The following FTO variants were observed in gnomAD, a reference collection of about 807,000 sequenced individuals.
FTO encodes alpha-ketoglutarate-dependent dioxygenase FTO.
Under a neutral mutation model 63.9 loss-of-function variants are expected in FTO, and 47 were observed. The observed-to-expected ratio is 0.74, with a 90% CI of 0.58 to 0.94. FTO has a LOEUF of 0.94. FTO is among the 40% of genes least tolerant of loss of function. FTO has a pLI of 0.00. For missense variants in FTO, 562 were observed against 618.1 expected (o/e 0.91, Z 0.96); for synonymous variants, 207 against 224.4 (o/e 0.92, Z 0.69).
At chr16:54,093,259 G>A (rs1353053087) in intron 8 of FTO, among the ~76,000 whole-genome samples, 1 of 152,176 alleles carries the variant, frequency 6.6e-6, no homozygotes, top group African/African-American at 2.4e-5. Context: ...TTTAAATTAG[G>A]AATAGCAAGT....
At chr16:54,062,977 A>T (rs2085621056) in intron 8 of FTO, among the ~76,000 whole-genome samples, 1 of 152,200 alleles carries the variant, frequency 6.6e-6, no homozygotes, top group Non-Finnish European at 1.5e-5. Context: ...GTGTGTGCAC[A>T]CATGCGCCCC....
chr16:53,862,266 A>C lies in FTO; in HGVS notation c.896-11520A>C, dbSNP rs1459028786. Among the ~76,000 whole-genome samples, 5 of 152,108 alleles carry C rather than the reference A, an allele frequency of 3.3e-5. No individual in the cohort carries two copies. The East Asian group carries it at 9.7e-4, about 29-fold the overall frequency. On this transcript the variant is annotated intron_variant, in intron 4 of 8. Coordinates refer to ENST00000471389, the MANE Select transcript of FTO (RefSeq NM_001080432.3). ...CATCTCAAAAAACAAACAAACAAAC[A>C]AAAAAACCACCACCAACAACTCTAT... is the stretch of plus-strand genomic sequence containing the variant.
At chr16:53,789,049 C>G (rs186848608) in intron 1 of FTO, among the ~76,000 whole-genome samples, 141 of 152,284 alleles carry the variant, frequency 9.3e-4, no homozygotes, top group African/African-American at 3.3e-3. Flanking sequence ...TATTATCTGT[C>G]TGTATATGCT....
upstream of FTO, chr16:53,704,148 C>G: frequency 6.5e-7 from 1 of 1,549,806 alleles, no homozygotes; most frequent in Non-Finnish European, 8.7e-7. Context: ...GAGGGATCTA[C>G]GCAGCTTGCG....
intron 2 of FTO, among the ~76,000 whole-genome samples, chr16:53,819,580 C>T (rs2078794795): frequency 6.6e-6 from 1 of 151,964 alleles, no homozygotes; most frequent in Non-Finnish European, 1.5e-5. Flanking sequence ...TTCTGCATTC[C>T]TGCCATATAG....
intron 8 of FTO, among the ~76,000 whole-genome samples, chr16:53,990,348 A>G (rs1205083161): frequency 6.6e-6 from 1 of 152,146 alleles, no homozygotes; most frequent in Non-Finnish European, 1.5e-5. Flanking sequence ...GGATGCTAAA[A>G]TTTGAGTAGG....
At chr16:53,975,888 A>C (rs1480426253) in intron 8 of FTO, among the ~76,000 whole-genome samples, 1 of 152,150 alleles carries the variant, frequency 6.6e-6, no homozygotes, top group African/African-American at 2.4e-5. Flanking sequence ...CAACCCTATG[A>C]GTAGGTGCTA....
intron 2 of FTO, among the ~76,000 whole-genome samples, chr16:53,811,229 G>T (rs2078511938): frequency 6.6e-6 from 1 of 152,160 alleles, no homozygotes; most frequent in Admixed American, 6.5e-5. Flanking sequence ...GGAAGAGTAG[G>T]CCCTCTGGGC....
intron 4 of FTO, among the ~76,000 whole-genome samples, chr16:53,869,844 G>A (rs1236999080): frequency 6.6e-6 from 1 of 152,010 alleles, no homozygotes; most frequent in Non-Finnish European, 1.5e-5. Context: ...ATTAATTTCT[G>A]CCATTTCTGA....
chr16:53,706,233 A>G (rs1255873354), intron 1 of FTO, among the ~76,000 whole-genome samples: 1 of 152,206 alleles, frequency 6.6e-6, no homozygotes, highest in Non-Finnish European at 1.5e-5. Flanking sequence ...TCTTAAATGT[A>G]AAGTGTCCAA....
intron 1 of FTO, among the ~76,000 whole-genome samples, chr16:53,805,897 C>T (rs2078353009): frequency 2.0e-5 from 3 of 152,158 alleles, no homozygotes; most frequent in Admixed American, 2.0e-4. Context: ...CTCCGTGTGG[C>T]ATTTGTGAGC....
chr16:53,727,631 C>T (rs1214864355), intron 1 of FTO, among the ~76,000 whole-genome samples: 2 of 152,270 alleles, frequency 1.3e-5, no homozygotes, highest in Non-Finnish European at 2.9e-5. Context: ...GAGGATGAAC[C>T]TAACAGTATT....
At chr16:54,009,549 G>A (rs1284912800) in intron 8 of FTO, among the ~76,000 whole-genome samples, 5 of 152,058 alleles carry the variant, frequency 3.3e-5, no homozygotes, top group South Asian at 2.1e-4. Context: ...AATGAGCATC[G>A]AATTCAGCAG....
intron 1 of FTO, among the ~76,000 whole-genome samples, chr16:53,747,261 GT>G (rs1478829842): frequency 1.3e-5 from 2 of 152,034 alleles, no homozygotes; most frequent in African/African-American, 4.8e-5. Flanking sequence ...TCTATTGTTA[GT>G]TTTTTTGAGA....
At chr16:53,851,132 G>A (rs1227295562) in intron 4 of FTO, among the ~76,000 whole-genome samples, 2 of 151,706 alleles carry the variant, frequency 1.3e-5, no homozygotes, top group Non-Finnish European at 2.9e-5. Flanking sequence ...ATATAGCCAC[G>A]GTATCCTTTT....
intron 8 of FTO, among the ~76,000 whole-genome samples, chr16:54,106,017 A>G (rs2086742902): frequency 6.6e-6 from 1 of 152,184 alleles, no homozygotes. Flanking sequence ...AACACAAAGT[A>G]TAATGTTAGT....
intron 4 of FTO, among the ~76,000 whole-genome samples, chr16:53,867,014 G>A (rs1006898613): frequency 6.6e-6 from 1 of 151,922 alleles, no homozygotes; most frequent in Non-Finnish European, 1.5e-5. Flanking sequence ...CTATACATTT[G>A]TGGCATTTAA....
intron 8 of FTO, chr16:53,937,263 A>C: frequency 2.5e-6 from 1 of 398,628 alleles, no homozygotes; most frequent in Non-Finnish European, 4.4e-6. Context: ...GAATGATCCA[A>C]AGGACATCGG....
At chr16:53,851,249 A>G (rs1434664150) in intron 4 of FTO, among the ~76,000 whole-genome samples, 1 of 149,426 alleles carries the variant, frequency 6.7e-6, no homozygotes, top group African/African-American at 2.5e-5. Flanking sequence ...GGAGTTTGAG[A>G]CCAGCCTGGC....
Sources: allele counts gnomAD v4.1 joint callset (sites outside exome capture counted in the v4.1 genomes callset), GRCh38; gene constraint gnomAD v4.1.1; transcripts MANE v1.5; gene names NCBI Gene and HGNC (gene_info 2026-07-23, HGNC 2026-07-21).